Variants in MBP observed in about 807,000 individuals in gnomAD.
The protein encoded by MBP is Golli-MBP.
A neutral mutation model predicts 35.8 loss-of-function variants in MBP; 16 were observed. The observed-to-expected ratio is 0.45, with a 90% confidence interval of 0.30 to 0.68. The LOEUF (loss-of-function observed/expected upper bound fraction) is 0.68, where lower values mean the gene tolerates loss of function less well. MBP is among the 30% of genes least tolerant of loss of function. The pLI is 0.08. For missense variants in MBP, 380 were observed against 404.7 expected (o/e 0.94, Z 0.52); for synonymous variants, 143 against 159.6 (o/e 0.90, Z 0.78).
chr18:77,015,564 C>G, intron 4 of MBP: 5 of 985,446 alleles, frequency 5.1e-6, no homozygotes, highest in Non-Finnish European at 6.0e-6. Context: ...GTATCTAAGA[C>G]ACACAAAATG....
At chr18:77,129,290 T>G (rs1977161234) in intron 1 of MBP, among the ~76,000 whole-genome samples, 1 of 152,254 alleles carries the variant, frequency 6.6e-6, no homozygotes, top group South Asian at 2.1e-4. Context: ...TTTTACGCTT[T>G]AATGGCTATT....
In MBP at chr18:76,995,703, G is replaced by A. The variant is rs575018888; in HGVS notation, c.577-5643C>T. ...AAGATTTAACTCAAAATAGATCATA[G>A]ATCGTTATCTATGATGTAAAACTAT... On this transcript the variant is annotated intron_variant, in intron 4 of 8. Transcript: ENST00000355994. 6.6e-5 allele frequency among the ~76,000 whole-genome samples: 10 copies of A among 152,276 alleles called. No homozygotes were observed. In the South Asian group the frequency reaches 2.1e-3, roughly 32 times the overall value.
Position 77,044,975 on chromosome 18 carries a change from G to T in MBP, c.139+21323C>A, listed in dbSNP as rs192244149. 6.6e-6 allele frequency among the ~76,000 whole-genome samples: 1 copy of T among 151,180 alleles called. No individual in the cohort carries two copies. Among genetic ancestry groups the T allele is most frequent in the Admixed American group, 6.6e-5 (1 of 15,126 alleles). ...TGTGTAAGTGTGGTGTGTGAGTGTG[G>T]AGTGTGTGAGTGTTCAAGATTCCCT... On this transcript the variant is annotated intron_variant, in intron 3 of 8. Coordinates refer to ENST00000355994, the MANE Select transcript of MBP (RefSeq NM_001025101.2). The surrounding 1 kb of genome is among the most constrained non-coding windows in gnomAD (Gnocchi z 4.4).
chr18:76,985,698 C>G, intron 7 of MBP: 2 of 1,022,038 alleles, frequency 2.0e-6, no homozygotes, highest in South Asian at 7.6e-5. Flanking sequence ...TAGCACCTTT[C>G]TAGCTCATCC....
At chr18:77,019,997 C>A (rs973023959) in intron 3 of MBP, among the ~76,000 whole-genome samples, 1 of 152,080 alleles carries the variant, frequency 6.6e-6, no homozygotes, top group Non-Finnish European at 1.5e-5. Flanking sequence ...GGTATCACAG[C>A]CTTGATGGCT....
Position 77,131,866 on chromosome 18 carries a change from C to T in MBP, c.-26+714G>A, listed in dbSNP as rs1384858323. On this transcript the variant is annotated intron_variant, in intron 1 of 8. Transcript: ENST00000355994. The surrounding 1 kb of genome is among the most constrained non-coding windows in gnomAD (Gnocchi z 5.5). Reference sequence around the variant, plus strand: ...CCGGCGGGCGGCTGCGGGCGGCGCACGTGGGCCCAGGTGGGCGCAGCGACG... The same window carrying T: ...CCGGCGGGCGGCTGCGGGCGGCGCATGTGGGCCCAGGTGGGCGCAGCGACG... Among the ~76,000 whole-genome samples the T allele has an allele frequency of 6.6e-6, 1 of 152,032 alleles. No individual in the cohort carries two copies. The highest frequency in any genetic ancestry group is 1.5e-5 in the Non-Finnish European group (1 of 67,968).
At chr18:77,065,633 G>C (rs1974162567) in intron 3 of MBP, 1 of 152,204 alleles carries the variant, frequency 6.6e-6, no homozygotes, top group African/African-American at 2.4e-5. Flanking sequence ...CCAGGCTTTG[G>C]TGCAATTTCA....
chr18:76,985,061 G>T, intron 7 of MBP, 167 bp from the exon 8 acceptor site: 1 of 1,489,634 alleles, frequency 6.7e-7, no homozygotes, highest in Non-Finnish European at 9.1e-7. Flanking sequence ...GGTGGGGGCG[G>T]GAGAGGCTGC....
chr18:77,028,685 A>C (rs1378184904), intron 3 of MBP, among the ~76,000 whole-genome samples: 1 of 84,580 alleles, frequency 1.2e-5, no homozygotes, highest in Non-Finnish European at 3.1e-5. Flanking sequence ...CTCACTTCCC[A>C]GTAGGGGCGG....
At chr18:77,077,087 G>A (rs1285502453) in intron 2 of MBP, among the ~76,000 whole-genome samples, 1 of 152,152 alleles carries the variant, frequency 6.6e-6, no homozygotes, top group African/African-American at 2.4e-5. Flanking sequence ...CAGGCCAGGT[G>A]TGGTGGCTCA....
chr18:76,985,349 C>T (rs1465162552), intron 7 of MBP: 4 of 1,282,052 alleles, frequency 3.1e-6, no homozygotes, highest in Middle Eastern at 2.7e-4. Flanking sequence ...CCCCGGCCTG[C>T]GCCTTTGCTG....
intron 1 of MBP, among the ~76,000 whole-genome samples, chr18:77,111,268 T>C (rs1478408988): frequency 6.6e-6 from 1 of 152,178 alleles, no homozygotes; most frequent in Non-Finnish European, 1.5e-5. Flanking sequence ...TACAGCTTCT[T>C]GAAGAAGGCA....
chr18:77,116,953 A>G (rs1976688462), intron 1 of MBP, among the ~76,000 whole-genome samples: 3 of 152,190 alleles, frequency 2.0e-5, no homozygotes, highest in African/African-American at 7.2e-5. Context: ...AACAGGTCGG[A>G]GCTGAGCTGT....
At chr18:77,007,246 T>C (rs980290815) in intron 4 of MBP, among the ~76,000 whole-genome samples, 3 of 152,196 alleles carry the variant, frequency 2.0e-5, no homozygotes, top group African/African-American at 7.2e-5. Context: ...TAATAAAGCA[T>C]CCCAAAGTAC....
chr18:77,038,835 T>C (rs1376206064), intron 3 of MBP, among the ~76,000 whole-genome samples: 1 of 152,216 alleles, frequency 6.6e-6, no homozygotes, highest in Non-Finnish European at 1.5e-5. Context: ...ACATAAGATA[T>C]TTTAAGAGTG....
In MBP at chr18:76,987,502, C is replaced by G. The variant is rs1022414643; in HGVS notation, c.750+993G>C. The G allele has an allele frequency of 2.5e-5, 25 of 985,462 alleles. No homozygotes were observed. The African/African-American group carries it at 4.2e-4, about 17-fold the overall frequency. 61.0% of individuals were successfully genotyped at this position (985,462 alleles called of 1,614,324 possible). On this transcript the variant is annotated intron_variant, in intron 7 of 8. Transcript: ENST00000355994. ...CTCTCAAGTACCCTGCCCCTTCCTC[C>G]CTCTCTTCCTTCCTCTTCCCCACCT...
intron 2 of MBP, among the ~76,000 whole-genome samples, chr18:77,070,742 G>A (rs1974406249): frequency 6.6e-6 from 1 of 152,160 alleles, no homozygotes; most frequent in Non-Finnish European, 1.5e-5. Context: ...GAACTCGAGA[G>A]GTCCACCCTC....
chr18:77,030,969 G>A (rs563394421), intron 3 of MBP, among the ~76,000 whole-genome samples: 20 of 152,042 alleles, frequency 1.3e-4, no homozygotes, highest in African/African-American at 4.6e-4. Flanking sequence ...GTGGAAGAGG[G>A]AATTCTGAAG....
intron 3 of MBP, among the ~76,000 whole-genome samples, chr18:77,041,210 A>C (rs1164477566): frequency 6.6e-6 from 1 of 152,220 alleles, no homozygotes; most frequent in African/African-American, 2.4e-5. Flanking sequence ...GAGAAATGCA[A>C]ATCAAAACCA....
Sources: gnomAD v4.1 joint callset for allele counts (sites outside exome capture counted in the v4.1 genomes callset) on GRCh38, gnomAD v4.1.1 for gene constraint, Gnocchi (gnomAD v3.1) non-coding constraint, MANE v1.5 for transcripts, NCBI Gene and HGNC (gene_info 2026-07-23, HGNC 2026-07-21) for gene names.